The following EDEM3 variants were observed in gnomAD, a reference collection of about 807,000 sequenced individuals.
EDEM3 encodes ER degradation enhancing alpha-mannosidase like protein 3.
EDEM3 carries 60 observed loss-of-function variants against 110.2 expected under a neutral mutation model. The observed-to-expected ratio is 0.54, with a 90% CI of 0.44 to 0.67. The LOEUF is 0.67. Among genes scored for constraint, EDEM3 ranks in the 30% least tolerant of loss-of-function variants. EDEM3 has a pLI of 0.00. For synonymous variants in EDEM3, 352 were observed against 382.9 expected, an observed-to-expected ratio of 0.92 and a Z score of 0.94; for missense variants, 996 against 1,121.0, an observed-to-expected ratio of 0.89 and a Z score of 1.59.
At position 184,693,256 on chromosome 1, in the gene EDEM3, T is replaced by A. The variant is rs1159532805; in HGVS notation, c.*807A>T. The A allele has an allele frequency of 6.5e-6, 1 of 154,846 alleles. No individual in the cohort carries two copies. Among genetic ancestry groups the A allele is most frequent in the Non-Finnish European group, 1.5e-5 (1 of 68,218 alleles). 9.6% of individuals were successfully genotyped at this position (154,846 alleles called of 1,614,324 possible). On this transcript the variant is annotated 3_prime_UTR_variant, in exon 20 of 20. Transcript: ENST00000318130. Reference sequence around the variant, plus strand: ...GGTTCCATTTCAGAGTAGTCACAGCTTTCCCTATGGAAGGCCCAATGGGAG... The same window carrying A: ...GGTTCCATTTCAGAGTAGTCACAGCATTCCCTATGGAAGGCCCAATGGGAG...
At chr1:184,751,157 C>A (rs968782737) in intron 1 of EDEM3, among the ~76,000 whole-genome samples, 5 of 143,530 alleles carry the variant, frequency 3.5e-5, no homozygotes, top group South Asian at 4.7e-4. Flanking sequence ...TGTAAGTTTA[C>A]ATATATATAT....
At chr1:184,753,284 T>C (rs1329390348) in intron 1 of EDEM3, among the ~76,000 whole-genome samples, 2 of 151,972 alleles carry the variant, frequency 1.3e-5, no homozygotes, top group Non-Finnish European at 2.9e-5. Context: ...GTTTTGGAAA[T>C]ATATTCTGGA....
At position 184,701,027 on chromosome 1, in the gene EDEM3, T is replaced by C. The variant is rs544956234; in HGVS notation, c.2389+1784A>G. On this transcript the variant is annotated intron_variant, in intron 19 of 19. Coordinates refer to ENST00000318130, the MANE Select transcript of EDEM3 (RefSeq NM_025191.4). Reference sequence around the variant, plus strand: ...ATAATGCCCTTTTAATGCAAGGTCCTTAAGGGGATACTGTTCACCAAGAAT... The same window carrying C: ...ATAATGCCCTTTTAATGCAAGGTCCCTAAGGGGATACTGTTCACCAAGAAT... 8.5e-5 allele frequency among the ~76,000 whole-genome samples: 13 copies of C among 152,142 alleles called. No individual in the cohort carries two copies. The South Asian group carries it at 2.7e-3, about 32-fold the overall frequency.
At position 184,710,420 on chromosome 1, in the gene EDEM3, C is replaced by T. The variant is rs1650161090; in HGVS notation, c.1819G>A (p.Val607Ile). 1 of 1,613,776 alleles carries T rather than the reference C, an allele frequency of 6.2e-7. No individual in the cohort carries two copies. Among genetic ancestry groups the T allele is most frequent in the African/African-American group, 1.3e-5 (1 of 74,880 alleles). The change falls in exon 16 of 20, where the codon GTC becomes ATC. Residue 607 changes from valine (V) to isoleucine (I), a missense_variant. Physicochemically the swap from Val to Ile is conservative, Grantham distance 29 (BLOSUM62 3). Transcript: ENST00000318130. ...VSLIHLKDGR[V>I]QLVQHAIQAA... The stretch of plus-strand genomic sequence containing the variant: ...TGGATTGCATGTTGGACCAACTGGA[C>T]TCTCCCATCTTTGAGGTGAATCAAA...
intron 8 of EDEM3, 41 bp from the exon 9 acceptor site, chr1:184,721,427 A>G: frequency 6.6e-7 from 1 of 1,520,068 alleles, no homozygotes; most frequent in Non-Finnish European, 8.9e-7. Context: ...AATTTTTTTA[A>G]AACCGTTAAA....
intron 6 of EDEM3, among the ~76,000 whole-genome samples, chr1:184,728,533 A>C (rs1287407619): frequency 6.6e-6 from 1 of 152,182 alleles, no homozygotes; most frequent in Admixed American, 6.5e-5. Flanking sequence ...ACTATTTATT[A>C]ACACAATTAT....
chr1:184,705,018 C>G (rs1479172385), intron 18 of EDEM3, among the ~76,000 whole-genome samples: 2 of 152,210 alleles, frequency 1.3e-5, no homozygotes, highest in East Asian at 3.9e-4. Context: ...TTGCAGTGAG[C>G]CAAGATCACG....
At chr1:184,751,915 G>A (rs545143543) in intron 1 of EDEM3, among the ~76,000 whole-genome samples, 1 of 152,264 alleles carries the variant, frequency 6.6e-6, no homozygotes, top group African/African-American at 2.4e-5. Flanking sequence ...CACCACACCT[G>A]GCTAATTTTG....
At chr1:184,712,311 G>A (rs1399967670) in intron 14 of EDEM3, 122 bp downstream of exon 14, 22 of 869,446 alleles carry the variant, frequency 2.5e-5, no homozygotes, top group Non-Finnish European at 3.8e-5. Context: ...ATAGGAAAAT[G>A]TATATATTTA....
chr1:184,718,457 CTA>C (rs1321692975), intron 11 of EDEM3, among the ~76,000 whole-genome samples: 2 of 152,106 alleles, frequency 1.3e-5, no homozygotes, highest in Non-Finnish European at 2.9e-5. Context: ...GCTAATAAAA[CTA>C]TACTTTCCAA....
intron 8 of EDEM3, among the ~76,000 whole-genome samples, chr1:184,722,625 A>T (rs1196602026): frequency 1.3e-5 from 2 of 151,990 alleles, no homozygotes; most frequent in East Asian, 3.8e-4. Context: ...GTGAAGAGTC[A>T]AAAGTTCTTT....
At chr1:184,697,921 G>A (rs1649413641) in intron 19 of EDEM3, among the ~76,000 whole-genome samples, 1 of 151,586 alleles carries the variant, frequency 6.6e-6, no homozygotes, top group African/African-American at 2.4e-5. Flanking sequence ...GTCCCTATAT[G>A]TGTGTCTTTT....
intron 4 of EDEM3, among the ~76,000 whole-genome samples, chr1:184,736,446 T>C (rs1385991267): frequency 1.3e-5 from 2 of 152,112 alleles, no homozygotes; most frequent in Non-Finnish European, 2.9e-5. Context: ...CATAATGATC[T>C]AAGAGTAAAA....
At chr1:184,742,678 C>T (rs989107297) in intron 2 of EDEM3, among the ~76,000 whole-genome samples, 2 of 152,226 alleles carry the variant, frequency 1.3e-5, no homozygotes, top group Non-Finnish European at 2.9e-5. Context: ...CGTGAGCCAC[C>T]ATGCCCAGCC....
intron 19 of EDEM3, chr1:184,701,472 AG>A (rs2102060087): frequency 8.0e-7 from 1 of 1,246,664 alleles, no homozygotes; most frequent in African/African-American, 1.6e-5. Context: ...ATATAATTTA[AG>A]GCTTGTTAAT....
chr1:184,711,851 G>A lies in EDEM3; in HGVS notation c.1563C>T (p.Asp521=), dbSNP rs143898633. ...NTTSEYTELD[D]SNFDWTCPNT... Reference sequence around the variant, plus strand: ...TTGGACAAGTCCAATCGAAGTTACTGTCATCCAGTTCTGTATATTCCGAGG... The same window carrying A: ...TTGGACAAGTCCAATCGAAGTTACTATCATCCAGTTCTGTATATTCCGAGG... Residue 521 remains aspartate, a synonymous_variant, in exon 15 of 20, where the codon GAC becomes GAT. Transcript: ENST00000318130. 6.2e-7 allele frequency: 1 copy of A among 1,612,800 alleles called. No individual in the cohort carries two copies. The highest frequency in any genetic ancestry group is 1.3e-5 in the African/African-American group (1 of 74,926).
At chr1:184,710,765 T>C (rs1181920612) in intron 15 of EDEM3, among the ~76,000 whole-genome samples, 1 of 152,172 alleles carries the variant, frequency 6.6e-6, no homozygotes, top group Non-Finnish European at 1.5e-5. Flanking sequence ...GTATATTATC[T>C]ATATAAGGCA....
At chr1:184,721,147 TC>T in intron 9 of EDEM3, 141 bp downstream of exon 9, 1 of 660,970 alleles carries the variant, frequency 1.5e-6, no homozygotes, top group Non-Finnish European at 2.6e-6. Flanking sequence ...CTGTCCCTGT[TC>T]AACATCATCA....
rs931000966 is a variant in EDEM3 at position 184,691,307 on chromosome 1, G to GA, written c.*2755dup. The stretch of plus-strand genomic sequence containing the variant: ...TCATTTCAATGAACTTTTATATGCA[G>GA]AAAAAAACTAGCTATTTTATTTTTA... On this transcript the variant is annotated 3_prime_UTR_variant, in exon 20 of 20. Transcript: ENST00000318130. 14 of 152,260 alleles carry GA rather than the reference G, an allele frequency of 9.2e-5. No individual in the cohort carries two copies. Among genetic ancestry groups the GA allele is most frequent in the African/African-American group, 2.9e-4 (12 of 41,378 alleles). The allele number at this position is 152,260 out of a possible 1,614,324, so 9.4% of individuals were successfully genotyped here.
Sources: gnomAD v4.1 joint callset for allele counts (sites outside exome capture counted in the v4.1 genomes callset) on GRCh38, gnomAD v4.1.1 for gene constraint, MANE v1.5 for transcripts, NCBI Gene and HGNC (gene_info 2026-07-23, HGNC 2026-07-21) for gene names.